Variants in ANK3 observed in about 807,000 individuals in gnomAD.
The protein encoded by ANK3 is ankyrin-3.
A neutral mutation model predicts 370.9 loss-of-function variants in ANK3; 57 were observed. The observed-to-expected ratio is 0.15, with a 90% CI of 0.12 to 0.19. ANK3 has a LOEUF of 0.19. ANK3 is among the 10% of genes least tolerant of loss of function. ANK3 has a pLI of 1.00. For missense variants in ANK3, 4,439 were observed against 5,302.1 expected (o/e 0.84, Z 5.06); for synonymous variants, 1,929 against 1,946.3 (o/e 0.99, Z 0.23).
At chr10:60,382,573 C>G (rs2061679977) in intron 1 of ANK3, among the ~76,000 whole-genome samples, 1 of 151,962 alleles carries the variant, frequency 6.6e-6, no homozygotes, top group Non-Finnish European at 1.5e-5. Context: ...GGAATAAGTA[C>G]CAGAAAAAAC....
chr10:60,287,870 G>A (rs1041381633), intron 1 of ANK3, among the ~76,000 whole-genome samples: 12 of 152,078 alleles, frequency 7.9e-5, no homozygotes, highest in East Asian at 1.9e-4. Context: ...CTTCAGTTTC[G>A]CCCCCAATAG....
In ANK3 at chr10:60,490,318, G is replaced by A. The variant is rs983131352; in HGVS notation, c.96+124868C>T. On this transcript the variant is annotated intron_variant, in intron 2 of 43. Coordinates refer to the ANK3 transcript ENST00000373827. ...AGTCCTACTGAACCAGAAACTCTGG[G>A]ATGAGGCCCAGAACATTTGTTTTAA... 5.9e-5 allele frequency among the ~76,000 whole-genome samples: 9 copies of A among 152,140 alleles called. 1 individual carries two copies. In the East Asian group the frequency reaches 1.3e-3, roughly 23 times the overall value.
Position 60,407,467 on chromosome 10 carries a change from T to C in ANK3, c.97-127828A>G, listed in dbSNP as rs114825401. On this transcript the variant is annotated intron_variant, in intron 2 of 43. Coordinates refer to the ANK3 transcript ENST00000373827. ...GCGAGGGTATATGTGAGTGTTATGT[T>C]ACAAGGGAAGAGATATCTTCCACCT... Among the ~76,000 whole-genome samples, 357 of 152,340 alleles carry C rather than the reference T, an allele frequency of 2.3e-3. 1 individual carries two copies. The highest frequency in any genetic ancestry group is 8.0e-3 in the African/African-American group (334 of 41,572).
At chr10:60,351,460 C>G (rs1192487365) in intron 1 of ANK3, among the ~76,000 whole-genome samples, 1 of 152,150 alleles carries the variant, frequency 6.6e-6, no homozygotes. Flanking sequence ...ACTGCCAAGT[C>G]TAGAATTATT....
At chr10:60,262,666 C>T (rs910371165) in intron 6 of ANK3, among the ~76,000 whole-genome samples, 2 of 152,198 alleles carry the variant, frequency 1.3e-5, no homozygotes, top group South Asian at 2.1e-4. Flanking sequence ...TGCTAGCTAT[C>T]TCACTGAGTC....
At chr10:60,432,238 T>C (rs2064043229) in intron 2 of ANK3, among the ~76,000 whole-genome samples, 1 of 152,224 alleles carries the variant, frequency 6.6e-6, no homozygotes, top group South Asian at 2.1e-4. Context: ...AATGGTAATT[T>C]TTCATCAAAC....
chr10:60,396,282 T>C (rs995978044), intron 2 of ANK3, among the ~76,000 whole-genome samples: 5 of 152,206 alleles, frequency 3.3e-5, no homozygotes, highest in Admixed American at 6.5e-5. Flanking sequence ...CTTCCTTCCA[T>C]GTTTACATTC....
chr10:60,480,070 G>T (rs1454969083), intron 2 of ANK3, among the ~76,000 whole-genome samples: 1 of 152,076 alleles, frequency 6.6e-6, no homozygotes, highest in African/African-American at 2.4e-5. Flanking sequence ...GGCCACTTAT[G>T]ACCCCTGACA....
chr10:60,710,080 G>A (rs963921952), intron 1 of ANK3, among the ~76,000 whole-genome samples: 2 of 152,106 alleles, frequency 1.3e-5, no homozygotes, highest in African/African-American at 2.4e-5. Context: ...GTGGCCCTTT[G>A]TATGGGTCCC....
intron 2 of ANK3, among the ~76,000 whole-genome samples, chr10:60,517,788 C>T (rs1595190164): frequency 7.1e-6 from 1 of 141,380 alleles, no homozygotes. Flanking sequence ...GAAGTGCGCT[C>T]TGTATAAAAC....
At chr10:60,254,388 G>A (rs2097707830) in intron 7 of ANK3, among the ~76,000 whole-genome samples, 1 of 152,072 alleles carries the variant, frequency 6.6e-6, no homozygotes, top group Admixed American at 6.6e-5. Context: ...CTACACCCTT[G>A]TAAAACCATC....
intron 1 of ANK3, among the ~76,000 whole-genome samples, chr10:60,353,763 G>A (rs2057310656): frequency 6.6e-6 from 1 of 152,214 alleles, no homozygotes; most frequent in South Asian, 2.1e-4. Flanking sequence ...TTTTTAGAAT[G>A]AAGACCAATT....
At chr10:60,629,239 C>T (rs2078451005) in intron 1 of ANK3, among the ~76,000 whole-genome samples, 2 of 152,092 alleles carry the variant, frequency 1.3e-5, no homozygotes, top group Admixed American at 1.3e-4. Context: ...AAGTTTATAT[C>T]CATGTCAAAC....
At chr10:60,331,112 G>C (rs1035807272) in intron 1 of ANK3, among the ~76,000 whole-genome samples, 7 of 150,892 alleles carry the variant, frequency 4.6e-5, no homozygotes, top group African/African-American at 1.7e-4. Flanking sequence ...AACTGGGCCT[G>C]TCAGGGGGTC....
chr10:60,640,526 A>G lies in ANK3; in HGVS notation c.58-25302T>C, dbSNP rs1320857048. 3.6e-5 allele frequency among the ~76,000 whole-genome samples: 4 copies of G among 111,504 alleles called. No homozygotes were observed. In the Admixed American group the frequency reaches 4.1e-4, roughly 11 times the overall value. The allele number at this position is 111,504 out of a possible 152,430, so 73.2% of individuals were successfully genotyped here. The stretch of plus-strand genomic sequence containing the variant: ...TGTAATCCAGCATACAAACAGAGCC[A>G]AAGACAAAAACCACATGATTATCTC... On this transcript the variant is annotated intron_variant, in intron 1 of 43. Transcript: ENST00000373827.
At chr10:60,329,744 C>G (rs1259120468) in intron 1 of ANK3, among the ~76,000 whole-genome samples, 1 of 152,190 alleles carries the variant, frequency 6.6e-6, no homozygotes, top group African/African-American at 2.4e-5. Context: ...CTATCCTCAT[C>G]AAGCTACCAC....
At chr10:60,554,862 G>A (rs1351266839) in intron 2 of ANK3, among the ~76,000 whole-genome samples, 1 of 152,034 alleles carries the variant, frequency 6.6e-6, no homozygotes, top group Non-Finnish European at 1.5e-5. Flanking sequence ...TCATATTAAT[G>A]CCATGAATCA....
At chr10:60,675,073 A>G (rs141599503) in intron 1 of ANK3, among the ~76,000 whole-genome samples, 1 of 152,334 alleles carries the variant, frequency 6.6e-6, no homozygotes, top group East Asian at 1.9e-4. Flanking sequence ...TGTTTGTGGA[A>G]TTTTTAAATC....
chr10:60,128,444 A>G (rs1341192491), intron 25 of ANK3, among the ~76,000 whole-genome samples: 5 of 151,520 alleles, frequency 3.3e-5, no homozygotes, highest in Non-Finnish European at 7.4e-5. Context: ...CAGTGGCGCA[A>G]TCTCAGCTCA....
Sources: allele counts gnomAD v4.1 joint callset (sites outside exome capture counted in the v4.1 genomes callset), GRCh38; gene constraint gnomAD v4.1.1; transcripts MANE v1.5; gene names NCBI Gene and HGNC (gene_info 2026-07-23, HGNC 2026-07-21).